PARP14: variants seen among roughly 807,000 people sequenced by gnomAD.
The protein encoded by PARP14 is protein mono-ADP-ribosyltransferase PARP14.
A neutral mutation model predicts 154.2 loss-of-function variants in PARP14; 59 were observed. The ratio of observed to expected loss-of-function variants is 0.38; its 90% confidence interval spans 0.31 to 0.48. PARP14 has a LOEUF of 0.48. Ranked by LOEUF, PARP14 falls within the 20% of genes least tolerant of loss-of-function variation. The probability of loss-of-function intolerance (pLI) is 0.98; values close to 1 mark genes in which losing one functional copy is unlikely to be tolerated. For missense variants in PARP14, 1,734 were observed against 2,131.6 expected, an observed-to-expected ratio of 0.81 and a Z score of 3.67; for synonymous variants, 720 against 780.5, an observed-to-expected ratio of 0.92 and a Z score of 1.29.
intron 4 of PARP14, among the ~76,000 whole-genome samples, chr3:122,693,352 A>G (rs1938599503): frequency 6.6e-6 from 1 of 152,158 alleles, no homozygotes; most frequent in Admixed American, 6.5e-5. Flanking sequence ...TCACTATTCC[A>G]TGGCCATGGC....
At chr3:122,702,698 C>T (rs1204777839) in intron 6 of PARP14, among the ~76,000 whole-genome samples, 1 of 152,102 alleles carries the variant, frequency 6.6e-6, no homozygotes, top group Non-Finnish European at 1.5e-5. Context: ...AGGCTCTTAA[C>T]CATTGCACTC....
chr3:122,704,492 A>G (rs372880266), intron 7 of PARP14, 35 bp from the exon 8 acceptor site: 2 of 1,329,760 alleles, frequency 1.5e-6, no homozygotes, highest in East Asian at 2.4e-5. Flanking sequence ...CCATTTCTAG[A>G]CAAGATGTAT....
At chr3:122,716,338 A>G (rs1373331661) in intron 12 of PARP14, among the ~76,000 whole-genome samples, 1 of 151,678 alleles carries the variant, frequency 6.6e-6, no homozygotes, top group Non-Finnish European at 1.5e-5. Context: ...AGAGTCCTTG[A>G]CTCTACCCTC....
intron 9 of PARP14, among the ~76,000 whole-genome samples, chr3:122,710,189 C>G (rs2107649158): frequency 6.6e-6 from 1 of 151,960 alleles, no homozygotes; most frequent in African/African-American, 2.4e-5. Flanking sequence ...TTTATGGTTT[C>G]AGGTCTTAAA....
intron 15 of PARP14, 136 bp downstream of exon 15, chr3:122,720,524 T>C (rs60507179): frequency 0.044 from 34,572 of 778,374 alleles, 921 homozygotes; most frequent in African/African-American, 0.095. Context: ...TAATTAGTAG[T>C]TCTAGATTCT....
Position 122,700,935 on chromosome 3 carries a change from C to T in PARP14, c.2381C>T (p.Ser794Phe), listed in dbSNP as rs755795510. ...GGSPAGQKCF[S>F]RTVLAPGVVL... ...AGCCCCGCTGGGCAGAAGTGCTTCTCTCGGACAGTCTTGGCCCCTGGCGTT... is the reference window on the plus strand; with the variant it reads ...AGCCCCGCTGGGCAGAAGTGCTTCTTTCGGACAGTCTTGGCCCCTGGCGTT... Residue 794 changes from serine to phenylalanine, a missense_variant, in exon 6 of 17, where the codon TCT becomes TTT. This residue lies in a region of PARP14 where 1,646 missense variants were observed against 1,976.0 expected (regional missense o/e 0.83). Transcript: ENST00000474629. 1.6e-5 allele frequency: 26 copies of T among 1,613,916 alleles called. No individual in the cohort carries two copies. The highest frequency in any genetic ancestry group is 3.3e-4 in the Middle Eastern group (2 of 6,084).
chr3:122,692,184 G>A, intron 3 of PARP14, 117 bp from the exon 4 acceptor site: 1 of 733,776 alleles, frequency 1.4e-6, no homozygotes, highest in Non-Finnish European at 2.2e-6. Context: ...CTGTTATTCT[G>A]TGAGTTAGCC....
intron 8 of PARP14, among the ~76,000 whole-genome samples, chr3:122,707,956 G>A (rs1576593640): frequency 6.6e-6 from 1 of 152,140 alleles, no homozygotes; most frequent in African/African-American, 2.4e-5. Context: ...GAATATCCTT[G>A]TATTTATCCA....
intron 4 of PARP14, among the ~76,000 whole-genome samples, chr3:122,693,126 C>T (rs949575744): frequency 6.6e-6 from 1 of 152,208 alleles, no homozygotes; most frequent in Admixed American, 6.5e-5. Flanking sequence ...TGGGTTTGAA[C>T]CCAGGCAGCC....
intron 9 of PARP14, among the ~76,000 whole-genome samples, chr3:122,712,743 G>T (rs1008842450): frequency 6.8e-6 from 1 of 147,440 alleles, no homozygotes; most frequent in African/African-American, 2.5e-5. Context: ...TGTAGAGATG[G>T]GGTTTCACCA....
At chr3:122,715,596 ATCTATCT>A (rs1932974275) in intron 12 of PARP14, among the ~76,000 whole-genome samples, 1 of 9,806 alleles carries the variant, frequency 1.0e-4, no homozygotes, top group African/African-American at 4.2e-4. Flanking sequence ...TCTACCAGTC[ATCTATCT>A]ATCTATCTAT....
rs1158171376 is a variant in PARP14 at position 122,701,482 on chromosome 3, T to A, written c.2928T>A (p.Thr976=). The change falls in exon 6 of 17, where the codon ACT becomes ACA. Residue 976 remains threonine (T), a synonymous_variant. Transcript: ENST00000474629. The surrounding 1 kb of genome is among the most constrained non-coding windows in gnomAD (Gnocchi z 4.0). ...TVEAFAEAVK[T]VFKATLPDTA... ...AGGCCTTTGCAGAAGCTGTGAAAAC[T>A]GTATTTAAAGCCACCCTGCCAGATA... 1 of 1,613,942 alleles carries A rather than the reference T, an allele frequency of 6.2e-7. No homozygotes were observed. The highest frequency in any genetic ancestry group is 1.1e-5 in the South Asian group (1 of 91,064).
chr3:122,692,405 G>A lies in PARP14; in HGVS notation c.460G>A (p.Glu154Lys), dbSNP rs1429228894. 6 of 1,613,884 alleles carry A rather than the reference G, an allele frequency of 3.7e-6. No individual in the cohort carries two copies. The highest frequency in any genetic ancestry group is 5.1e-6 in the Non-Finnish European group (6 of 1,179,800). Reference protein sequence around the residue: ...CENISSLVAFENLKANVTDIM... With the variant: ...CENISSLVAFKNLKANVTDIM... ...AAATATTTCCTCTTTGGTGGCATTT[G>A]AAAACCTCAAGGCAAATGTGACTGA... The change falls in exon 4 of 17, where the codon GAA becomes AAA. Residue 154 changes from glutamate (E) to lysine (K), a missense_variant. Physicochemically the swap from Glu to Lys is moderately conservative, Grantham distance 56 (BLOSUM62 1). Around this residue, in one of 2 missense-constraint regions of PARP14, gnomAD observed 1,646 missense variants for 1,976.0 expected, o/e 0.83. Coordinates refer to ENST00000474629, the MANE Select transcript of PARP14 (RefSeq NM_017554.3).
Position 122,700,439 on chromosome 3 carries a change from C to G in PARP14, c.1885C>G (p.Pro629Ala), listed in dbSNP as rs1938924799. 3 of 1,613,530 alleles carry G rather than the reference C, an allele frequency of 1.9e-6. No individual in the cohort carries two copies. The highest frequency in any genetic ancestry group is 1.7e-6 in the Non-Finnish European group (2 of 1,179,648). ...TTTGCTTAAGAAACAAAATTCCTCC[C>G]CAAACACTGTAATCATCAATGAGTT... The part of the protein sequence containing the change: ...HNLLKKQNSS[P>A]NTVIINELTS... Residue 629 changes from proline (P) to alanine (A), a missense_variant, in exon 6 of 17, where the codon CCA becomes GCA. Physicochemically the swap from Pro to Ala is conservative, Grantham distance 27 (BLOSUM62 -1). Transcript: ENST00000474629.
In PARP14 at chr3:122,692,597, C is replaced by G. The variant is rs1434222873; in HGVS notation, c.598+54C>G. The G allele has an allele frequency of 4.7e-6, 7 of 1,476,204 alleles. No homozygotes were observed. The East Asian group carries it at 1.1e-4, about 24-fold the overall frequency. 91.4% of individuals were successfully genotyped at this position (1,476,204 alleles called of 1,614,324 possible). A position where few individuals can be genotyped will look rare whatever the true frequency, so the allele number is the denominator to read the frequency against. Reference sequence around the variant, plus strand: ...GTCTTCTTTGTACCACATCATGAGACTTGAGATACCTCTTAGGGGGACATC... The same window carrying G: ...GTCTTCTTTGTACCACATCATGAGAGTTGAGATACCTCTTAGGGGGACATC... On this transcript the variant is annotated intron_variant, in intron 4 of 16. Coordinates refer to ENST00000474629, the MANE Select transcript of PARP14 (RefSeq NM_017554.3).
intron 9 of PARP14, among the ~76,000 whole-genome samples, chr3:122,711,813 G>A (rs1403877679): frequency 6.6e-6 from 1 of 152,038 alleles, no homozygotes; most frequent in African/African-American, 2.4e-5. Context: ...TAACCTAGGA[G>A]GGTTGTATGT....
chr3:122,705,199 C>T (rs1939115886), intron 8 of PARP14, among the ~76,000 whole-genome samples: 1 of 152,196 alleles, frequency 6.6e-6, no homozygotes, highest in Admixed American at 6.5e-5. Flanking sequence ...TATTGTATCA[C>T]ACCTAAAATA....
intron 9 of PARP14, among the ~76,000 whole-genome samples, chr3:122,710,289 T>C (rs182361004): frequency 2.8e-4 from 42 of 152,320 alleles, no homozygotes; most frequent in African/African-American, 9.6e-4. Context: ...TTGCCAGTTT[T>C]CCCAGCACCG....
In PARP14 at chr3:122,693,397, A is replaced by G. The variant is rs973290018; in HGVS notation, c.598+854A>G. Among the ~76,000 whole-genome samples the G allele has an allele frequency of 2.6e-5, 4 of 152,220 alleles. No homozygotes were observed. The East Asian group carries it at 7.7e-4, about 29-fold the overall frequency. Reference sequence around the variant, plus strand: ...GTTAAGAGCACAGGTCATGGAGTCAAAATTCCAGCTCTGCCATTTAACTAG... The same window carrying G: ...GTTAAGAGCACAGGTCATGGAGTCAGAATTCCAGCTCTGCCATTTAACTAG... On this transcript the variant is annotated intron_variant, in intron 4 of 16. Transcript: ENST00000474629.
Sources: gnomAD v4.1 joint callset for allele counts (sites outside exome capture counted in the v4.1 genomes callset) on GRCh38, gnomAD v4.1.1 for gene constraint, gnomAD v4.1.1 regional missense constraint, Gnocchi (gnomAD v3.1) non-coding constraint, MANE v1.5 for transcripts, NCBI Gene and HGNC (gene_info 2026-07-23, HGNC 2026-07-21) for gene names.